The following TMEM132E variants were observed in gnomAD, a reference collection of about 807,000 sequenced individuals.
TMEM132E encodes the protein transmembrane protein 132E.
TMEM132E carries 49 observed loss-of-function variants against 78.5 expected under a neutral mutation model. That is an observed-to-expected ratio of 0.62 (90% confidence interval 0.50 to 0.79). The LOEUF (loss-of-function observed/expected upper bound fraction) is 0.79, where lower values mean the gene tolerates loss of function less well. TMEM132E is among the 30% of genes least tolerant of loss of function. The pLI is 0.00. For missense variants in TMEM132E, 1,403 were observed against 1,470.9 expected, an observed-to-expected ratio of 0.95 and a Z score of 0.75; for synonymous variants, 715 against 670.6, an observed-to-expected ratio of 1.07 and a Z score of -1.02.
At chr17:34,602,745 G>A (rs1056139681) in intron 1 of TMEM132E, among the ~76,000 whole-genome samples, 3 of 152,176 alleles carry the variant, frequency 2.0e-5, no homozygotes, top group Non-Finnish European at 2.9e-5. Flanking sequence ...AAGAGAACCC[G>A]GGAGCTGTAC....
chr17:34,622,450 C>T (rs1276898468), intron 1 of TMEM132E, among the ~76,000 whole-genome samples: 2 of 152,236 alleles, frequency 1.3e-5, no homozygotes, highest in African/African-American at 4.8e-5. Context: ...TAAAAAATTG[C>T]AATGCCCTAA....
intron 4 of TMEM132E, among the ~76,000 whole-genome samples, 187 bp from the exon 5 acceptor site, chr17:34,629,821 C>T (rs1252045175): frequency 6.6e-6 from 1 of 152,078 alleles, no homozygotes; most frequent in Non-Finnish European, 1.5e-5. Flanking sequence ...CCCGAGTGAG[C>T]AGACCATCTG....
chr17:34,628,844 C>T, intron 3 of TMEM132E, 135 bp downstream of exon 3: 1 of 1,375,438 alleles, frequency 7.3e-7, no homozygotes, highest in Non-Finnish European at 9.6e-7. Flanking sequence ...GTCCAGGCCC[C>T]TCAGTGGGAT....
chr17:34,629,157 C>A lies in TMEM132E; in HGVS notation c.1291C>A (p.Leu431Met), dbSNP rs764481730. 1 of 1,614,146 alleles carries A rather than the reference C, an allele frequency of 6.2e-7. No individual in the cohort carries two copies. Among genetic ancestry groups the A allele is most frequent in the South Asian group, 1.1e-5 (1 of 91,080 alleles). ...LPDLERAVTE[L>M]TVIQRDVQAI... ...TGACCTGGAGCGGGCAGTCACTGAG[C>A]TGACGGTCATTCAGCGGGATGTGCA... Residue 431 changes from leucine (L) to methionine (M), a missense_variant, in exon 4 of 9, where the codon CTG becomes ATG. Coordinates refer to ENST00000631683, the MANE Select transcript of TMEM132E (RefSeq NM_001304438.2).
intron 1 of TMEM132E, among the ~76,000 whole-genome samples, chr17:34,611,343 G>T (rs113234082): frequency 7.2e-5 from 11 of 152,194 alleles, no homozygotes; most frequent in Non-Finnish European, 1.6e-4. Context: ...TGAGAAATGA[G>T]CTAAAATGAG....
In TMEM132E at chr17:34,638,142, T is replaced by C. The variant is rs187271846; in HGVS notation, c.3135T>C (p.Gly1045=). 1.3e-3 allele frequency: 2,122 copies of C among 1,609,726 alleles called. 23 individuals are homozygous for C. In the African/African-American group the frequency reaches 0.025, roughly 19 times the overall value. The change falls in exon 9 of 9, where the codon GGT becomes GGC. Residue 1045 remains glycine, a synonymous_variant. Transcript: ENST00000631683. Reference sequence around the variant, plus strand: ...ACGAGGAGGAGGAAGAGGACCTGGGTTGGGGCTGCCCGGATGTGGCGGGCC... The same window carrying C: ...ACGAGGAGGAGGAAGAGGACCTGGGCTGGGGCTGCCCGGATGTGGCGGGCC... ...EEDEEEEEDL[G]WGCPDVAGPT... is the part of the protein sequence containing the mutation.
chr17:34,595,850 T>C (rs1906040224), intron 1 of TMEM132E, among the ~76,000 whole-genome samples: 1 of 152,230 alleles, frequency 6.6e-6, no homozygotes, highest in Non-Finnish European at 1.5e-5. Flanking sequence ...CTTCAGGGAC[T>C]GTATTTGGGG....
At chr17:34,621,762 A>G (rs1906965154) in intron 1 of TMEM132E, among the ~76,000 whole-genome samples, 1 of 152,090 alleles carries the variant, frequency 6.6e-6, no homozygotes, top group Non-Finnish European at 1.5e-5. Context: ...AACCAGGCCC[A>G]CGGAATTGTT....
In TMEM132E at chr17:34,626,462, G is replaced by C. The variant is rs1907133039; in HGVS notation, c.403G>C (p.Val135Leu). 1 of 1,613,012 alleles carries C rather than the reference G, an allele frequency of 6.2e-7. No individual in the cohort carries two copies. The highest frequency in any genetic ancestry group is 2.2e-5 in the East Asian group (1 of 44,876). ...KVRAFIVRSHVPASQPVVQVL... is the reference protein window; with the variant it reads ...KVRAFIVRSHLPASQPVVQVL... The stretch of plus-strand genomic sequence containing the variant: ...GCGGGCCTTCATCGTCCGCTCGCAC[G>C]TGCCCGCCTCGCAGCCCGTGGTCCA... The change falls in exon 2 of 9, where the codon GTG (valine) becomes CTG (leucine). Residue 135 changes from valine to leucine, a missense_variant. Around this residue, in one of 3 missense-constraint regions of TMEM132E, gnomAD observed 511 missense variants for 499.0 expected, o/e 1.02. Transcript: ENST00000631683.
At position 34,638,283 on chromosome 17, in the gene TMEM132E, G is replaced by C; in HGVS notation, c.*51G>C. On this transcript the variant is annotated 3_prime_UTR_variant, in exon 9 of 9. Coordinates refer to ENST00000631683, the MANE Select transcript of TMEM132E (RefSeq NM_001304438.2). ...CCCCCCCCCCAACGGGGTCAGCTCG[G>C]GGTAGGACACAGCCGGGACCCCGGT... 6.8e-7 allele frequency: 1 copy of C among 1,465,136 alleles called. No individual in the cohort carries two copies. The highest frequency in any genetic ancestry group is 1.4e-5 in the South Asian group (1 of 70,192). 90.8% of individuals were successfully genotyped at this position (1,465,136 alleles called of 1,614,324 possible).
intron 1 of TMEM132E, among the ~76,000 whole-genome samples, chr17:34,622,451 A>C (rs1031509576): frequency 6.6e-6 from 1 of 152,210 alleles, no homozygotes; most frequent in African/African-American, 2.4e-5. Flanking sequence ...AAAAAATTGC[A>C]ATGCCCTAAT....
chr17:34,589,960 C>A (rs1905809813), intron 1 of TMEM132E, among the ~76,000 whole-genome samples: 1 of 152,224 alleles, frequency 6.6e-6, no homozygotes, highest in Admixed American at 6.5e-5. Flanking sequence ...TCTCAATTTT[C>A]TATGGCTGTA....
chr17:34,614,938 G>A (rs1434407949), intron 1 of TMEM132E: 1 of 152,266 alleles, frequency 6.6e-6, no homozygotes, highest in African/African-American at 2.4e-5. Flanking sequence ...GGAAGGGAGG[G>A]ACCATGGCCC....
rs1907597024 is a variant in TMEM132E, at chr17:34,638,022, G to C, written c.3015G>C (p.Ser1005=). 6.3e-7 allele frequency: 1 copy of C among 1,576,224 alleles called. No homozygotes were observed. The highest frequency in any genetic ancestry group is 1.3e-5 in the African/African-American group (1 of 74,206). The change falls in exon 9 of 9, where the codon TCG becomes TCC. Residue 1005 remains serine (S), a synonymous_variant. Transcript: ENST00000631683. ...ACCAAGCCGAGGACCCCGCCAGCTC[G>C]CCCACCTCCAAGCGCAAGCGGGTCA... ...ARDQAEDPAS[S]PTSKRKRVKF...
chr17:34,597,209 C>T (rs914469894), intron 1 of TMEM132E, among the ~76,000 whole-genome samples: 3 of 152,126 alleles, frequency 2.0e-5, no homozygotes, highest in African/African-American at 7.2e-5. Flanking sequence ...GGGGACTCCT[C>T]CAGAGGAGTC....
chr17:34,584,218 G>C (rs542182233), intron 1 of TMEM132E, among the ~76,000 whole-genome samples: 3 of 152,160 alleles, frequency 2.0e-5, no homozygotes, highest in African/African-American at 7.2e-5. Flanking sequence ...GCCATCCTCC[G>C]TGTGCCCTAT....
intron 2 of TMEM132E, 55 bp downstream of exon 2, chr17:34,627,112 C>T (rs577729154): frequency 7.5e-7 from 1 of 1,325,904 alleles, no homozygotes; most frequent in Admixed American, 1.7e-5. Flanking sequence ...AAATGCATAC[C>T]TGACTCCTTG....
At chr17:34,629,689 GT>G (rs2142082763) in intron 4 of TMEM132E, among the ~76,000 whole-genome samples, 1 of 152,320 alleles carries the variant, frequency 6.6e-6, no homozygotes, top group East Asian at 1.9e-4. Context: ...CCAGGCATGT[GT>G]TGGATGTTAC....
chr17:34,610,019 C>CCACCA (rs1315639016), intron 1 of TMEM132E, among the ~76,000 whole-genome samples: 1 of 152,070 alleles, frequency 6.6e-6, no homozygotes, highest in African/African-American at 2.4e-5. Flanking sequence ...CACCCAGGTC[C>CCACCA]CACCACACCC....
Sources: allele counts gnomAD v4.1 joint callset (sites outside exome capture counted in the v4.1 genomes callset), GRCh38; gene constraint gnomAD v4.1.1; regional missense constraint gnomAD v4.1.1; transcripts MANE v1.5; gene names NCBI Gene and HGNC (gene_info 2026-07-23, HGNC 2026-07-21).